The following MEGF6 variants were observed in gnomAD, a reference collection of about 807,000 sequenced individuals.
MEGF6 encodes the protein multiple epidermal growth factor-like domains protein 6.
In MEGF6, 184 loss-of-function variants were observed where a neutral mutation model predicts 207.1. That is an observed-to-expected ratio of 0.89 (90% CI 0.79 to 1.00). The LOEUF is 1.00. MEGF6 is among the 50% of genes least tolerant of loss of function. The pLI is 0.00. For synonymous variants in MEGF6, 1,038 were observed against 910.0 expected (o/e 1.14, Z -2.53); for missense variants, 2,282 against 2,202.9 (o/e 1.04, Z -0.72).
Position 3,524,213 on chromosome 1 carries a change from C to G in MEGF6, c.515G>C (p.Cys172Ser). The G allele has an allele frequency of 1.9e-6, 3 of 1,612,734 alleles. No homozygotes were observed. Among genetic ancestry groups the G allele is most frequent in the Non-Finnish European group, 2.5e-6 (3 of 1,179,678 alleles). Residue 172 changes from cysteine to serine, a missense_variant, in exon 5 of 37, where the codon TGC becomes TCC. Coordinates refer to ENST00000356575, the MANE Select transcript of MEGF6 (RefSeq NM_001409.4). ...VDECRTHNGG[C>S]QHRCVNTPGS... ...TGGGGTGTTCACGCACCGGTGCTGG[C>G]AGCCACCGTTGTGGGTTCGGCATTC...
chr1:3,599,908 G>A (rs547884183), intron 2 of MEGF6, among the ~76,000 whole-genome samples: 34 of 152,282 alleles, frequency 2.2e-4, no homozygotes, highest in African/African-American at 6.3e-4. Flanking sequence ...TGACAGGCAC[G>A]ACCCCAGGCC....
At chr1:3,605,913 G>A (rs1644243734) in intron 1 of MEGF6, among the ~76,000 whole-genome samples, 1 of 152,188 alleles carries the variant, frequency 6.6e-6, no homozygotes. Context: ...GATGGCCTTG[G>A]CTCCACGGTG....
rs1035718608 is a variant in MEGF6, at chr1:3,611,291, G to A, written c.-23C>T. The A allele has an allele frequency of 1.4e-6, 2 of 1,429,536 alleles. No homozygotes were observed. Among genetic ancestry groups the A allele is most frequent in the African/African-American group, 3.0e-5 (2 of 67,292 alleles). The allele number at this position is 1,429,536 out of a possible 1,614,324, so 88.6% of individuals were successfully genotyped here. A position where few individuals can be genotyped will look rare whatever the true frequency, so the allele number is the denominator to read the frequency against. On this transcript the variant is annotated 5_prime_UTR_variant, in exon 1 of 37. Coordinates refer to ENST00000356575, the MANE Select transcript of MEGF6 (RefSeq NM_001409.4). ...CATCGTGCGCGCCGGTGCCTCCTCC[G>A]CTCTCCGGCTCACAGGCGGCCCCGG...
chr1:3,540,890 G>C (rs1160062165), intron 4 of MEGF6, among the ~76,000 whole-genome samples: 1 of 152,252 alleles, frequency 6.6e-6, no homozygotes, highest in Non-Finnish European at 1.5e-5. Context: ...CGACATTCAG[G>C]TCGCGGCACC....
intron 4 of MEGF6, among the ~76,000 whole-genome samples, chr1:3,564,983 G>A (rs967833300): frequency 5.3e-5 from 8 of 151,986 alleles, no homozygotes; most frequent in Non-Finnish European, 7.4e-5. Context: ...CATTCTCTAC[G>A]GCAGGCACCA....
intron 18 of MEGF6, 87 bp downstream of exon 18, chr1:3,501,709 G>A (rs1640876219): frequency 6.6e-7 from 1 of 1,509,018 alleles, no homozygotes; most frequent in East Asian, 2.4e-5. Context: ...GGGATCCGCA[G>A]GGCTGGGGCC....
chr1:3,541,938 G>A (rs1642538578), intron 4 of MEGF6, among the ~76,000 whole-genome samples: 1 of 152,206 alleles, frequency 6.6e-6, no homozygotes, highest in African/African-American at 2.4e-5. Context: ...GCGTCCCACA[G>A]ACACTCCGAT....
chr1:3,499,741 G>A lies in MEGF6; in HGVS notation c.2837-25C>T, dbSNP rs369467852. Reference sequence around the variant, plus strand: ...GCTGCAGACAGCGGGCAGTGATGTGGAGGGGCCCACACTGGAGGCCACCCA... The same window carrying A: ...GCTGCAGACAGCGGGCAGTGATGTGAAGGGGCCCACACTGGAGGCCACCCA... On this transcript the variant is annotated intron_variant, in intron 22 of 36. Coordinates refer to ENST00000356575, the MANE Select transcript of MEGF6 (RefSeq NM_001409.4). The A allele has an allele frequency of 9.8e-4, 1,568 of 1,598,740 alleles. 11 individuals carry two copies. The African/African-American group carries it at 0.018, about 18-fold the overall frequency.
Position 3,499,661 on chromosome 1 carries a change from G to C in MEGF6, c.2892C>G (p.Ala964=). The C allele has an allele frequency of 3.1e-6, 5 of 1,597,458 alleles. No individual in the cohort carries two copies. Among genetic ancestry groups the C allele is most frequent in the Non-Finnish European group, 4.3e-6 (5 of 1,173,198 alleles). Residue 964 remains alanine (A), a synonymous_variant, in exon 23 of 37, where the codon GCC becomes GCG. Coordinates refer to ENST00000356575, the MANE Select transcript of MEGF6 (RefSeq NM_001409.4). The part of the protein sequence containing the change: ...LDCRSACNCT[A]GAACDAVNGS... ...CATTCACGGCATCACAGGCAGCTCCGGCGGTGCAGTTGCAGGCACTGCGAC... is the reference window on the plus strand; with the variant it reads ...CATTCACGGCATCACAGGCAGCTCCCGCGGTGCAGTTGCAGGCACTGCGAC...
intron 35 of MEGF6, 111 bp downstream of exon 35, chr1:3,492,528 G>A: frequency 2.0e-6 from 3 of 1,476,924 alleles, no homozygotes; most frequent in Non-Finnish European, 2.8e-6. Flanking sequence ...ATAGCCATAG[G>A]GTGACCCGGC....
chr1:3,504,162 G>A (rs935416123), intron 17 of MEGF6, among the ~76,000 whole-genome samples: 2 of 152,116 alleles, frequency 1.3e-5, no homozygotes, highest in Admixed American at 6.5e-5. Flanking sequence ...GGGGGCTGGC[G>A]CCGGGCTTCT....
intron 2 of MEGF6, among the ~76,000 whole-genome samples, chr1:3,598,966 A>C (rs561567760): frequency 2.0e-5 from 3 of 152,260 alleles, no homozygotes; most frequent in Admixed American, 2.0e-4. Flanking sequence ...AAGACCCCTG[A>C]ATACCCGGGC....
At chr1:3,578,720 C>T (rs1216392338) in intron 4 of MEGF6, among the ~76,000 whole-genome samples, 2 of 13,682 alleles carry the variant, frequency 1.5e-4, no homozygotes, top group Non-Finnish European at 4.7e-4. Context: ...GCCTTTCCAA[C>T]AATGGCCAAT....
Position 3,501,278 on chromosome 1 carries a change from C to T in MEGF6, c.2345G>A (p.Cys782Tyr), listed in dbSNP as rs1201391705. 1.2e-6 allele frequency: 2 copies of T among 1,605,368 alleles called. No individual in the cohort carries two copies. The highest frequency in any genetic ancestry group is 1.7e-5 in the Admixed American group (1 of 59,188). The change falls in exon 19 of 37, where the codon TGC becomes TAC. Residue 782 changes from cysteine to tyrosine, a missense_variant. Physicochemically the swap from Cys to Tyr is radical, Grantham distance 194. Coordinates refer to ENST00000356575, the MANE Select transcript of MEGF6 (RefSeq NM_001409.4). ...DCPEGRWGLG[C>Y]QEICPACQHA... ...CTGGCATGCTGGGCAGATCTCCTGGCAGCCCAGCCCCCAGCGGCCCTCGGG... is the reference window on the plus strand; with the variant it reads ...CTGGCATGCTGGGCAGATCTCCTGGTAGCCCAGCCCCCAGCGGCCCTCGGG...
chr1:3,558,830 A>G (rs1643109245), intron 4 of MEGF6, among the ~76,000 whole-genome samples: 1 of 152,118 alleles, frequency 6.6e-6, no homozygotes, highest in Non-Finnish European at 1.5e-5. Context: ...TCTAACAAAT[A>G]CTAGCCTGGG....
chr1:3,494,277 C>A, intron 32 of MEGF6, 94 bp downstream of exon 32: 4 of 1,473,252 alleles, frequency 2.7e-6, no homozygotes, highest in Non-Finnish European at 3.6e-6. Context: ...TCCCCACCTC[C>A]CCACCACTTC....
chr1:3,525,369 G>A (rs890722255), intron 4 of MEGF6, among the ~76,000 whole-genome samples: 1 of 152,250 alleles, frequency 6.6e-6, no homozygotes, highest in African/African-American at 2.4e-5. Flanking sequence ...GTCGAGAGCA[G>A]CCTGGTCCTG....
At position 3,593,437 on chromosome 1, in the gene MEGF6, C is replaced by T. The variant is rs544444311; in HGVS notation, c.376+1901G>A. On this transcript the variant is annotated intron_variant, in intron 3 of 36. Transcript: ENST00000356575. The stretch of plus-strand genomic sequence containing the variant: ...CCCCGCCCGGGCTCTCCACCCCCGC[C>T]CCACCCAGGACCCCAGGCCCAGGGG... Among the ~76,000 whole-genome samples, 4 of 150,260 alleles carry T rather than the reference C, an allele frequency of 2.7e-5. No individual in the cohort carries two copies. In the South Asian group the frequency reaches 8.5e-4, roughly 32 times the overall value.
At position 3,493,837 on chromosome 1, in the gene MEGF6, G is replaced by A. The variant is rs1000754237; in HGVS notation, c.4321C>T (p.Pro1441Ser). 2.6e-5 allele frequency: 42 copies of A among 1,605,290 alleles called. No homozygotes were observed. The highest frequency in any genetic ancestry group is 3.6e-5 in the Non-Finnish European group (42 of 1,176,682). The change falls in exon 34 of 37, where the codon CCC (proline) becomes TCC (serine). Residue 1441 changes from proline to serine, a missense_variant. Physicochemically the swap from Pro to Ser is moderately conservative, Grantham distance 74. Coordinates refer to ENST00000356575, the MANE Select transcript of MEGF6 (RefSeq NM_001409.4). ...CAGAGACCGGTGACAGGGTCACAGG[G>A]TGCCCCCCCGTCACAGTCACAGCGC... ...HQRCDCDGGA[P>S]CDPVTGLCLC...
Sources: allele counts gnomAD v4.1 joint callset (sites outside exome capture counted in the v4.1 genomes callset), GRCh38; gene constraint gnomAD v4.1.1; transcripts MANE v1.5; gene names NCBI Gene and HGNC (gene_info 2026-07-23, HGNC 2026-07-21).